RYR3: variants seen among roughly 807,000 people sequenced by gnomAD.
The protein encoded by RYR3 is brain ryanodine receptor-calcium release channel.
Under a neutral mutation model 584.3 loss-of-function variants are expected in RYR3, and 207 were observed. The ratio of observed to expected loss-of-function variants is 0.35; its 90% CI spans 0.32 to 0.40. The LOEUF (loss-of-function observed/expected upper bound fraction) is 0.40, where lower values mean the gene tolerates loss of function less well. Among genes scored for constraint, RYR3 ranks in the 10% least tolerant of loss-of-function variants. RYR3 has a pLI of 1.00. For synonymous variants in RYR3, 2,416 were observed against 2,248.5 expected, an observed-to-expected ratio of 1.07 and a Z score of -2.11; for missense variants, 5,616 against 6,089.2, an observed-to-expected ratio of 0.92 and a Z score of 2.59.
At position 33,854,641 on chromosome 15, in the gene RYR3, T is replaced by C. The variant is rs2079455168; in HGVS notation, c.13861-125T>C. Reference sequence around the variant, plus strand: ...CTCACTTAGCAGATCTTGGGCCAGCTCACAGCACCTCAGCACCTAAACCCC... The same window carrying C: ...CTCACTTAGCAGATCTTGGGCCAGCCCACAGCACCTCAGCACCTAAACCCC... On this transcript the variant is annotated intron_variant, in intron 97 of 103. Transcript: ENST00000634891. 9.3e-6 allele frequency: 12 copies of C among 1,291,506 alleles called. 1 individual carries two copies. In the South Asian group the frequency reaches 1.7e-4, roughly 19 times the overall value. 80.0% of individuals were successfully genotyped at this position (1,291,506 alleles called of 1,614,324 possible). A position where few individuals can be genotyped will look rare whatever the true frequency, so the allele number is the denominator to read the frequency against.
At chr15:33,589,511 GT>G (rs2059022647) in intron 16 of RYR3, among the ~76,000 whole-genome samples, 1 of 152,062 alleles carries the variant, frequency 6.6e-6, no homozygotes, top group Admixed American at 6.6e-5. Context: ...TGCTTCTGAC[GT>G]CTTAGTCATA....
intron 85 of RYR3, among the ~76,000 whole-genome samples, chr15:33,830,277 G>A (rs1171816194): frequency 2.0e-5 from 3 of 152,198 alleles, no homozygotes; most frequent in Non-Finnish European, 4.4e-5. Flanking sequence ...CCACCACCCT[G>A]TTTAGTCAGT....
At position 33,816,910 on chromosome 15, in the gene RYR3, A is replaced by G; in HGVS notation, c.10551A>G (p.Ile3517Met). The G allele has an allele frequency of 6.2e-7, 1 of 1,612,634 alleles. No individual in the cohort carries two copies. Among genetic ancestry groups the G allele is most frequent in the Non-Finnish European group, 8.5e-7 (1 of 1,179,182 alleles). The change falls in exon 75 of 104, where the codon ATA becomes ATG. Residue 3517 changes from isoleucine to methionine, a missense_variant. Physicochemically the swap from Ile to Met is conservative, Grantham distance 10 (BLOSUM62 1). Coordinates refer to ENST00000634891, the MANE Select transcript of RYR3 (RefSeq NM_001036.6). Reference sequence around the variant, plus strand: ...TCCATGGCTATCAGAGATTTTGGATAGAAACAGAGGAGTATTCCTTTGAAG... The same window carrying G: ...TCCATGGCTATCAGAGATTTTGGATGGAAACAGAGGAGTATTCCTTTGAAG... ...LFLHGYQRFW[I>M]ETEEYSFEEK...
chr15:33,505,441 T>C (rs928059169), intron 3 of RYR3, among the ~76,000 whole-genome samples: 1 of 152,224 alleles, frequency 6.6e-6, no homozygotes, highest in African/African-American at 2.4e-5. Flanking sequence ...TTCCTTGCAT[T>C]GACCTCAGCA....
intron 1 of RYR3, among the ~76,000 whole-genome samples, chr15:33,385,402 T>C (rs1477354987): frequency 6.6e-6 from 1 of 152,240 alleles, no homozygotes; most frequent in Non-Finnish European, 1.5e-5. Context: ...TCAGTTCGAC[T>C]GATTATTTTT....
At chr15:33,450,600 G>A (rs2047043881) in intron 1 of RYR3, among the ~76,000 whole-genome samples, 1 of 150,310 alleles carries the variant, frequency 6.7e-6, no homozygotes, top group Admixed American at 6.7e-5. Context: ...TTTTTTGAGG[G>A]TTCTTTTTTT....
At chr15:33,656,010 C>A (rs1378252731) in intron 32 of RYR3, among the ~76,000 whole-genome samples, 1 of 152,192 alleles carries the variant, frequency 6.6e-6, no homozygotes, top group East Asian at 1.9e-4. Flanking sequence ...ATTTTTCTGT[C>A]CACTTAATAT....
At chr15:33,790,890 C>T (rs1016981366) in intron 67 of RYR3, among the ~76,000 whole-genome samples, 1 of 152,078 alleles carries the variant, frequency 6.6e-6, no homozygotes, top group African/African-American at 2.4e-5. Flanking sequence ...TGAGTGCCAA[C>T]TTCACAAAGA....
chr15:33,318,904 A>G (rs907953), intron 1 of RYR3, among the ~76,000 whole-genome samples: 110,316 of 152,146 alleles, frequency 0.73, 40,656 homozygotes, highest in African/African-American at 0.86. Context: ...TGTATTCATT[A>G]ACACGTCACT....
chr15:33,750,268 A>G lies in RYR3; in HGVS notation c.8381A>G (p.Asn2794Ser), dbSNP rs190036800. The G allele has an allele frequency of 1.1e-5, 18 of 1,611,046 alleles. No homozygotes were observed. The highest frequency in any genetic ancestry group is 5.0e-5 in the Admixed American group (3 of 59,728). Reference protein sequence around the residue: ...AQDLFKFLQVNGIIVSRGMKD... With the variant: ...AQDLFKFLQVSGIIVSRGMKD... ...GACCTGTTTAAGTTCCTCCAAGTGAATGGCATCATAGTTTCCAGGTAAGTC... is the reference window on the plus strand; with the variant it reads ...GACCTGTTTAAGTTCCTCCAAGTGAGTGGCATCATAGTTTCCAGGTAAGTC... The change falls in exon 57 of 104, where the codon AAT (asparagine) becomes AGT (serine). Residue 2794 changes from asparagine (N) to serine (S), a missense_variant. Physicochemically the swap from Asn to Ser is conservative, Grantham distance 46 (BLOSUM62 1). Coordinates refer to ENST00000634891, the MANE Select transcript of RYR3 (RefSeq NM_001036.6).
intron 1 of RYR3, among the ~76,000 whole-genome samples, chr15:33,385,796 T>C (rs2676057): frequency 0.76 from 113,035 of 149,084 alleles, 42,973 homozygotes; most frequent in Non-Finnish European, 0.78. Context: ...CTCCAACTCC[T>C]GGGCTCAAGC....
intron 34 of RYR3, among the ~76,000 whole-genome samples, chr15:33,661,400 G>T (rs1040919886): frequency 1.3e-5 from 2 of 152,218 alleles, no homozygotes; most frequent in Non-Finnish European, 2.9e-5. Context: ...AACAAAACAA[G>T]TATGTTTGTT....
intron 3 of RYR3, among the ~76,000 whole-genome samples, chr15:33,526,627 T>C (rs902421759): frequency 1.7e-5 from 2 of 115,274 alleles, no homozygotes; most frequent in Non-Finnish European, 3.5e-5. Context: ...GGAATGTTTA[T>C]TAAATTCTCT....
chr15:33,541,673 G>A (rs1165325139), intron 7 of RYR3, among the ~76,000 whole-genome samples: 1 of 152,132 alleles, frequency 6.6e-6, no homozygotes, highest in African/African-American at 2.4e-5. Context: ...GGGAATGCCG[G>A]TCTATTCTAT....
chr15:33,513,429 T>C (rs913390717), intron 3 of RYR3, among the ~76,000 whole-genome samples: 2 of 152,126 alleles, frequency 1.3e-5, no homozygotes, highest in Non-Finnish European at 2.9e-5. Context: ...GGTTTTAGAA[T>C]GGAAGGAGCT....
rs747547946 is a variant in RYR3 at position 33,755,062 on chromosome 15, T to C, written c.8400-3T>C. On this transcript the variant is annotated splice_region_variant and splice_polypyrimidine_tract_variant and intron_variant, in intron 57 of 103. Transcript: ENST00000634891. ...TCCTGGGGTCTGTCCATGTCCAACG[T>C]AGGGGTATGAAGGATATGGAGCTGG... 9 of 1,581,950 alleles carry C rather than the reference T, an allele frequency of 5.7e-6. No homozygotes were observed. In the African/African-American group the frequency reaches 9.4e-5, roughly 17 times the overall value.
intron 43 of RYR3, among the ~76,000 whole-genome samples, chr15:33,711,776 A>G (rs2067140039): frequency 6.6e-6 from 1 of 152,318 alleles, no homozygotes; most frequent in South Asian, 2.1e-4. Flanking sequence ...GGTCACAACC[A>G]TTTAACTGGT....
chr15:33,429,029 T>C (rs1194878557), intron 1 of RYR3, among the ~76,000 whole-genome samples: 1 of 152,212 alleles, frequency 6.6e-6, no homozygotes, highest in Non-Finnish European at 1.5e-5. Flanking sequence ...TGAGGCATCC[T>C]GGAGGAAAAA....
chr15:33,497,249 A>ATG (rs1243409370), intron 2 of RYR3, among the ~76,000 whole-genome samples: 2 of 152,094 alleles, frequency 1.3e-5, no homozygotes, highest in African/African-American at 2.4e-5. Flanking sequence ...GTTGGCCCAA[A>ATG]TGAGAGGTCC....
Sources: allele counts gnomAD v4.1 joint callset (sites outside exome capture counted in the v4.1 genomes callset), GRCh38; gene constraint gnomAD v4.1.1; transcripts MANE v1.5; gene names NCBI Gene and HGNC (gene_info 2026-07-23, HGNC 2026-07-21).